VKORC1L1: variants seen among roughly 807,000 people sequenced by gnomAD.
The protein encoded by VKORC1L1 is vitamin K epoxide reductase complex subunit 1L1.
A neutral mutation model predicts 18.9 loss-of-function variants in VKORC1L1; 2 were observed. The ratio of observed to expected loss-of-function variants is 0.11; its 90% CI spans 0.04 to 0.33. The LOEUF is 0.33. Among genes scored for constraint, VKORC1L1 ranks in the 10% least tolerant of loss-of-function variants. The pLI is 1.00. For synonymous variants in VKORC1L1, 96 were observed against 100.0 expected (o/e 0.96, Z 0.24); for missense variants, 123 against 224.1 (o/e 0.55, Z 2.88).
At position 65,883,944 on chromosome 7, in the gene VKORC1L1, C is replaced by T. The variant is rs1462620495; in HGVS notation, c.194+10379C>T. ...AGGGGAATTTCAGGGACACTGTTGG[C>T]TGTCTTGTGATTACCGATCCTTTTA... On this transcript the variant is annotated intron_variant, in intron 1 of 2. Transcript: ENST00000360768. 3.9e-5 allele frequency among the ~76,000 whole-genome samples: 6 copies of T among 152,278 alleles called. No individual in the cohort carries two copies. In the East Asian group the frequency reaches 1.2e-3, roughly 29 times the overall value.
At chr7:65,872,028 C>A (rs1788732098), upstream of VKORC1L1, among the ~76,000 whole-genome samples, 1 of 152,206 alleles carries the variant, frequency 6.6e-6, no homozygotes, top group African/African-American at 2.4e-5. Context: ...CTGAAAATCT[C>A]CAAGAACCCT....
intron 1 of VKORC1L1, among the ~76,000 whole-genome samples, chr7:65,887,651 T>C (rs1789038094): frequency 6.6e-6 from 1 of 152,184 alleles, no homozygotes; most frequent in African/African-American, 2.4e-5. Context: ...TACATAGGTG[T>C]TGCCCAAATA....
At chr7:65,900,915 G>A (rs546420052) in intron 1 of VKORC1L1, among the ~76,000 whole-genome samples, 76 of 152,230 alleles carry the variant, frequency 5.0e-4, no homozygotes, top group African/African-American at 1.8e-3. Flanking sequence ...GAAGTCCAAG[G>A]CCAGTCACGT....
intron 1 of VKORC1L1, among the ~76,000 whole-genome samples, chr7:65,884,894 G>A (rs900523368): frequency 2.0e-5 from 3 of 152,044 alleles, no homozygotes; most frequent in Non-Finnish European, 4.4e-5. Flanking sequence ...AGGTTTTCAT[G>A]TTTTTATTAA....
intron 1 of VKORC1L1, among the ~76,000 whole-genome samples, chr7:65,932,726 T>C (rs1789878481): frequency 6.6e-6 from 1 of 152,228 alleles, no homozygotes; most frequent in African/African-American, 2.4e-5. Context: ...GTTTATGATA[T>C]GTTTATGTTT....
At chr7:65,916,260 G>C (rs1023378213) in intron 1 of VKORC1L1, among the ~76,000 whole-genome samples, 1 of 151,892 alleles carries the variant, frequency 6.6e-6, no homozygotes, top group South Asian at 2.1e-4. Context: ...TGGTTCCCTA[G>C]CATTTCCCAT....
intron 1 of VKORC1L1, among the ~76,000 whole-genome samples, chr7:65,894,789 T>C (rs1789165202): frequency 6.6e-6 from 1 of 151,292 alleles, no homozygotes; most frequent in South Asian, 2.1e-4. Context: ...CTTGTGCCTG[T>C]AATCCCAGCA....
chr7:65,892,473 A>G (rs1442046757), intron 1 of VKORC1L1, among the ~76,000 whole-genome samples: 3 of 152,012 alleles, frequency 2.0e-5, no homozygotes, highest in Admixed American at 1.3e-4. Context: ...ACGATATCTC[A>G]TTGTAGTTTT....
At chr7:65,900,033 G>T (rs1789284349) in intron 1 of VKORC1L1, among the ~76,000 whole-genome samples, 1 of 145,772 alleles carries the variant, frequency 6.9e-6, no homozygotes, top group African/African-American at 2.6e-5. Context: ...GTGTGTGCAT[G>T]TGCACGCACG....
intron 1 of VKORC1L1, among the ~76,000 whole-genome samples, chr7:65,915,082 C>CTTTTTTTTTCT (rs1562993919): frequency 3.5e-5 from 5 of 141,090 alleles, no homozygotes; most frequent in East Asian, 2.1e-4. Flanking sequence ...TATTTTTTTT[C>CTTTTTTTTTCT]TTTTTTTTTT....
intron 1 of VKORC1L1, among the ~76,000 whole-genome samples, chr7:65,904,405 A>AT (rs1353431005): frequency 6.6e-6 from 1 of 152,114 alleles, no homozygotes; most frequent in African/African-American, 2.4e-5. Context: ...GGGTTTCACC[A>AT]TGTTGGCCAG....
intron 1 of VKORC1L1, among the ~76,000 whole-genome samples, chr7:65,945,349 C>T (rs1399631563): frequency 6.6e-6 from 1 of 151,716 alleles, no homozygotes; most frequent in Non-Finnish European, 1.5e-5. Flanking sequence ...CAGTGGCTCA[C>T]GCCTGTAATC....
At chr7:65,929,678 G>A (rs1252898954) in intron 1 of VKORC1L1, among the ~76,000 whole-genome samples, 2 of 39,498 alleles carry the variant, frequency 5.1e-5, no homozygotes, top group African/African-American at 7.6e-5. Flanking sequence ...GTATGTGTGT[G>A]TGTGTATATA....
intron 1 of VKORC1L1, among the ~76,000 whole-genome samples, chr7:65,895,783 A>G (rs1037422068): frequency 6.6e-6 from 1 of 150,930 alleles, no homozygotes; most frequent in African/African-American, 2.4e-5. Context: ...GAAATGTTTT[A>G]TGTGGTCAAC....
intron 1 of VKORC1L1, among the ~76,000 whole-genome samples, chr7:65,884,696 T>G (rs996289641): frequency 2.4e-4 from 36 of 152,316 alleles, no homozygotes; most frequent in Middle Eastern, 3.4e-3. Flanking sequence ...AGTAATGGAA[T>G]AGAATATTAG....
At chr7:65,880,847 C>T (rs1376666781) in intron 1 of VKORC1L1, among the ~76,000 whole-genome samples, 1 of 152,144 alleles carries the variant, frequency 6.6e-6, no homozygotes, top group African/African-American at 2.4e-5. Flanking sequence ...ACCATGTACT[C>T]TTGTAAACAC....
chr7:65,943,260 C>G (rs1790066099), intron 1 of VKORC1L1, among the ~76,000 whole-genome samples: 1 of 151,986 alleles, frequency 6.6e-6, no homozygotes, highest in African/African-American at 2.4e-5. Context: ...AATTTAAAAA[C>G]AAAAATAATA....
chr7:65,898,106 T>TTTTTA (rs1789247924), intron 1 of VKORC1L1, among the ~76,000 whole-genome samples: 1 of 141,894 alleles, frequency 7.0e-6, no homozygotes. Context: ...TTTTTTTTTT[T>TTTTTA]GAGACAGAGT....
intron 1 of VKORC1L1, among the ~76,000 whole-genome samples, chr7:65,933,569 T>C (rs1019919665): frequency 6.6e-6 from 1 of 152,216 alleles, no homozygotes; most frequent in African/African-American, 2.4e-5. Flanking sequence ...ACTCTTAACC[T>C]ATGTTATTAT....
Sources: allele counts gnomAD v4.1 joint callset (sites outside exome capture counted in the v4.1 genomes callset), GRCh38; gene constraint gnomAD v4.1.1; transcripts MANE v1.5; gene names NCBI Gene and HGNC (gene_info 2026-07-23, HGNC 2026-07-21).